The following ADAMTSL1 variants were observed in gnomAD, a reference collection of about 807,000 sequenced individuals.
ADAMTSL1 encodes ADAMTS like 1.
Under a neutral mutation model 201.8 loss-of-function variants are expected in ADAMTSL1, and 126 were observed. That is an observed-to-expected ratio of 0.62 (90% CI 0.54 to 0.72). The LOEUF (loss-of-function observed/expected upper bound fraction) is 0.72, where lower values mean the gene tolerates loss of function less well. Among genes scored for constraint, ADAMTSL1 ranks in the 30% least tolerant of loss-of-function variants. ADAMTSL1 has a pLI of 0.00. For synonymous variants in ADAMTSL1, 1,121 were observed against 903.4 expected (o/e 1.24, Z -4.32); for missense variants, 2,679 against 2,277.8 (o/e 1.18, Z -3.59).
At chr9:18,680,772 C>T (rs921284675) in intron 11 of ADAMTSL1, 3 of 479,952 alleles carry the variant, frequency 6.3e-6, no homozygotes, top group East Asian at 3.8e-5. Context: ...TCAAATAGCA[C>T]GGGGAAGCAA....
intron 26 of ADAMTSL1, among the ~76,000 whole-genome samples, chr9:18,893,125 T>C (rs988118640): frequency 2.6e-5 from 4 of 151,998 alleles, no homozygotes; most frequent in Admixed American, 2.6e-4. Flanking sequence ...TCCAGTGACA[T>C]AATGTATATG....
chr9:18,778,359 C>A (rs780830418), intron 19 of ADAMTSL1, among the ~76,000 whole-genome samples: 4 of 152,230 alleles, frequency 2.6e-5, no homozygotes, highest in Non-Finnish European at 5.9e-5. Flanking sequence ...CCTGCTGTTT[C>A]CCATGGGTGA....
rs144430018 is a variant in ADAMTSL1, at chr9:18,861,019, G to A, written c.4250-26812G>A. ...TGCAGAGATCACATACACATCCCTC[G>A]TTTCACAGAGATCATATACACATCC... is the stretch of plus-strand genomic sequence containing the variant. On this transcript the variant is annotated intron_variant, in intron 23 of 28. Transcript: ENST00000380548. Among the ~76,000 whole-genome samples, 1,469 of 151,682 alleles carry A rather than the reference G, an allele frequency of 9.7e-3. 28 individuals are homozygous for A. Among genetic ancestry groups the A allele is most frequent in the African/African-American group, 0.034 (1,384 of 41,306 alleles).
intron 3 of ADAMTSL1, among the ~76,000 whole-genome samples, chr9:18,564,266 A>G (rs1821734743): frequency 6.6e-6 from 1 of 152,102 alleles, no homozygotes; most frequent in African/African-American, 2.4e-5. Flanking sequence ...TAGGGAAGGG[A>G]GTTCCTCAAC....
intron 2 of ADAMTSL1, among the ~76,000 whole-genome samples, chr9:18,190,018 C>G (rs1828905790): frequency 6.6e-6 from 1 of 152,130 alleles, no homozygotes; most frequent in South Asian, 2.1e-4. Context: ...CTATCTAGAA[C>G]AAGAATGAGC....
At chr9:18,273,432 G>T (rs1415602124) in intron 2 of ADAMTSL1, among the ~76,000 whole-genome samples, 1 of 152,134 alleles carries the variant, frequency 6.6e-6, no homozygotes, top group Non-Finnish European at 1.5e-5. Context: ...TTGTGTTATT[G>T]GATATAGCTG....
intron 1 of ADAMTSL1, among the ~76,000 whole-genome samples, chr9:18,148,091 T>C (rs1046049543): frequency 1.3e-5 from 2 of 152,064 alleles, no homozygotes; most frequent in Admixed American, 1.3e-4. Flanking sequence ...ATCTGCTTCA[T>C]CGATGTAAAG....
intron 23 of ADAMTSL1, among the ~76,000 whole-genome samples, chr9:18,849,701 C>T (rs1446993729): frequency 6.6e-6 from 1 of 152,158 alleles, no homozygotes; most frequent in Non-Finnish European, 1.5e-5. Context: ...CATCTGTTTC[C>T]TCATTTATAC....
chr9:18,400,215 A>G (rs570748690), intron 2 of ADAMTSL1, among the ~76,000 whole-genome samples: 38 of 152,276 alleles, frequency 2.5e-4, no homozygotes, highest in African/African-American at 6.5e-4. Flanking sequence ...CTTTTACATT[A>G]TTGTCCTACT....
intron 2 of ADAMTSL1, among the ~76,000 whole-genome samples, chr9:18,375,868 G>C (rs1239557340): frequency 6.6e-6 from 1 of 152,074 alleles, no homozygotes; most frequent in Non-Finnish European, 1.5e-5. Flanking sequence ...ACTGCTGATT[G>C]GTCCATTTTA....
At chr9:18,226,690 C>A (rs1196510367) in intron 2 of ADAMTSL1, among the ~76,000 whole-genome samples, 1 of 152,088 alleles carries the variant, frequency 6.6e-6, no homozygotes, top group Non-Finnish European at 1.5e-5. Context: ...CTGGTCTTTT[C>A]AGATTTGTTC....
chr9:18,029,072 T>C (rs901030585), intron 1 of ADAMTSL1, among the ~76,000 whole-genome samples: 1 of 152,188 alleles, frequency 6.6e-6, no homozygotes, highest in Non-Finnish European at 1.5e-5. Context: ...TGTCTGTTAT[T>C]GGTGTATAAG....
chr9:18,285,863 T>C (rs7850267), intron 2 of ADAMTSL1, among the ~76,000 whole-genome samples: 19,923 of 152,192 alleles, frequency 0.13, 1,379 homozygotes, highest in Middle Eastern at 0.19. Flanking sequence ...TACAGTACAA[T>C]AAAACTCACC....
chr9:18,249,898 ATC>A (rs1019662040), intron 2 of ADAMTSL1, among the ~76,000 whole-genome samples: 1 of 152,188 alleles, frequency 6.6e-6, no homozygotes, highest in Admixed American at 6.5e-5. Flanking sequence ...CCGAGGGGCA[ATC>A]TCTAATGTGT....
Position 18,717,832 on chromosome 9 carries a change from C to G in ADAMTSL1, c.1877-3704C>G, listed in dbSNP as rs1207053580. The G allele has an allele frequency of 6.0e-6, 4 of 669,860 alleles. No individual in the cohort carries two copies. In the African/African-American group the frequency reaches 7.2e-5, roughly 12 times the overall value. The allele number at this position is 669,860 out of a possible 1,614,324, so 41.5% of individuals were successfully genotyped here. A position where few individuals can be genotyped will look rare whatever the true frequency, so the allele number is the denominator to read the frequency against. On this transcript the variant is annotated intron_variant, in intron 14 of 28. Coordinates refer to ENST00000380548, the MANE Select transcript of ADAMTSL1 (RefSeq NM_001040272.6). ...TAGAATGTGCAAACTGATATAGTAG[C>G]TTTCATATGCTCTTAAAGGGTACCA...
In ADAMTSL1 at chr9:18,455,012, A is replaced by T. The variant is rs190752542; in HGVS notation, c.208-49817A>T. Among the ~76,000 whole-genome samples the T allele has an allele frequency of 4.3e-3, 660 of 152,236 alleles. 5 individuals carry two copies. Among genetic ancestry groups the T allele is most frequent in the African/African-American group, 0.015 (629 of 41,540 alleles). Reference sequence around the variant, plus strand: ...TCCCCACCCCCACCTTGCACAATTCATAGGGTGGGTGGGTGTGAATATTAT... The same window carrying T: ...TCCCCACCCCCACCTTGCACAATTCTTAGGGTGGGTGGGTGTGAATATTAT... On this transcript the variant is annotated intron_variant, in intron 2 of 29. Coordinates refer to the ADAMTSL1 transcript ENST00000680146.
At chr9:18,833,263 G>C (rs148762663) in intron 23 of ADAMTSL1, among the ~76,000 whole-genome samples, 3 of 152,230 alleles carry the variant, frequency 2.0e-5, no homozygotes, top group African/African-American at 7.2e-5. Context: ...CTGTCTTTAG[G>C]TCTTTGAGGA....
At chr9:17,920,730 T>C (rs1826268592) in intron 1 of ADAMTSL1, among the ~76,000 whole-genome samples, 1 of 152,220 alleles carries the variant, frequency 6.6e-6, no homozygotes, top group Admixed American at 6.5e-5. Context: ...ACTTTTTCTG[T>C]AAAGGGAAAT....
At chr9:18,197,111 T>C (rs1000643294) in intron 2 of ADAMTSL1, among the ~76,000 whole-genome samples, 5 of 152,178 alleles carry the variant, frequency 3.3e-5, no homozygotes, top group African/African-American at 1.2e-4. Context: ...AGATTGTGAC[T>C]GTCTTATTCA....
Sources: gnomAD v4.1 joint callset for allele counts (sites outside exome capture counted in the v4.1 genomes callset) on GRCh38, gnomAD v4.1.1 for gene constraint, MANE v1.5 for transcripts, NCBI Gene and HGNC (gene_info 2026-07-23, HGNC 2026-07-21) for gene names.